The following ZRSR2 variants were observed in gnomAD, a reference collection of about 807,000 sequenced individuals.
ZRSR2 encodes the protein U2 small nuclear ribonucleoprotein auxiliary factor 35 kDa subunit-related protein 2.
A neutral mutation model predicts 39.4 loss-of-function variants in ZRSR2; 3 were observed. The observed-to-expected ratio is 0.08, with a 90% CI of 0.03 to 0.20. The LOEUF (loss-of-function observed/expected upper bound fraction) is 0.20, where lower values mean the gene tolerates loss of function less well. Among genes scored for constraint, ZRSR2 ranks in the 10% least tolerant of loss-of-function variants. The pLI, the probability that ZRSR2 is intolerant of heterozygous loss-of-function variation, is 1.00. For synonymous variants in ZRSR2, 137 were observed against 136.0 expected, an observed-to-expected ratio of 1.01 and a Z score of -0.05; for missense variants, 256 against 391.5, an observed-to-expected ratio of 0.65 and a Z score of 2.92.
Position 15,820,319 on chromosome X carries a change from A to G in ZRSR2, c.937+3A>G, listed in dbSNP as rs1479887028. ...CCGGTGGAAAATGGCGATTTGTGGT[A>G]AAAGACAAAGTGATGATTTTTTTCC... On this transcript the variant is annotated splice_donor_region_variant and intron_variant, in intron 10 of 10. Transcript: ENST00000307771. 1 of 1,201,769 alleles carries G rather than the reference A, an allele frequency of 8.3e-7. No homozygotes were observed.
At chrX:15,791,157 A>ATTCT in intron 2 of ZRSR2, 144 bp downstream of exon 2, 2 of 503,246 alleles carry the variant, frequency 4.0e-6, no homozygotes, top group Non-Finnish European at 6.8e-6. Context: ...GTAGTTATTT[A>ATTCT]GAAACACATG....
intron 7 of ZRSR2, among the ~76,000 whole-genome samples, chrX:15,815,372 C>T (rs1464196367): frequency 8.9e-6 from 1 of 112,836 alleles, no homozygotes; most frequent in Admixed American, 9.3e-5. Context: ...TCTCAGCTCA[C>T]TGTAACCTCC....
At chrX:15,814,107 C>G (rs1414223402) in intron 7 of ZRSR2, among the ~76,000 whole-genome samples, 4 of 105,633 alleles carry the variant, frequency 3.8e-5, no homozygotes, top group Admixed American at 3.1e-4. Flanking sequence ...TTTTGTCTTA[C>G]CAATTTTTAA....
In ZRSR2 at chrX:15,795,922, G is replaced by A. The variant is rs750956564; in HGVS notation, c.122-3950G>A. Among the ~76,000 whole-genome samples, 39 of 112,021 alleles carry A rather than the reference G, an allele frequency of 3.5e-4. No homozygotes were observed. In the South Asian group the frequency reaches 4.8e-3, roughly 14 times the overall value. ...TGGATCACGAGGTCGGGACTTCGAG[G>A]GCAGCCTGGCCAACATGGTGAAACC... is the stretch of plus-strand genomic sequence containing the variant. On this transcript the variant is annotated intron_variant, in intron 2 of 10. Transcript: ENST00000307771.
intron 5 of ZRSR2, among the ~76,000 whole-genome samples, chrX:15,806,205 G>C (rs1932778585): frequency 2.0e-5 from 2 of 102,035 alleles, no homozygotes; most frequent in Admixed American, 1.1e-4. Flanking sequence ...CTGAGGGAGA[G>C]GGGGCAGTGG....
At chrX:15,807,648 T>C (rs1932816560) in intron 5 of ZRSR2, among the ~76,000 whole-genome samples, 1 of 111,214 alleles carries the variant, frequency 9.0e-6, no homozygotes, top group Non-Finnish European at 1.9e-5. Context: ...ATGGTATATA[T>C]ACTCAAATAT....
intron 2 of ZRSR2, among the ~76,000 whole-genome samples, chrX:15,795,046 C>A (rs1377915075): frequency 9.2e-6 from 1 of 108,541 alleles, no homozygotes; most frequent in Non-Finnish European, 1.9e-5. Context: ...TGAATTTCTT[C>A]AAGATATCTT....
chrX:15,796,208 C>T lies in ZRSR2; in HGVS notation c.122-3664C>T, dbSNP rs745676893. Among the ~76,000 whole-genome samples, 94 of 111,560 alleles carry T rather than the reference C, an allele frequency of 8.4e-4. No individual in the cohort carries two copies. Among genetic ancestry groups the T allele is most frequent in the Non-Finnish European group, 1.4e-3 (75 of 53,089 alleles). On this transcript the variant is annotated intron_variant, in intron 2 of 10. Coordinates refer to ENST00000307771, the MANE Select transcript of ZRSR2 (RefSeq NM_005089.4). The stretch of plus-strand genomic sequence containing the variant: ...CGCGCCCGGCCATCATGACTTTTCT[C>T]TGCTTCTTGAGAGCACTTCCAGCAT...
At chrX:15,805,714 G>A (rs1055888229) in intron 5 of ZRSR2, among the ~76,000 whole-genome samples, 2 of 110,512 alleles carry the variant, frequency 1.8e-5, no homozygotes, top group African/African-American at 3.3e-5. Context: ...AGAGGATCAC[G>A]AGGTCAGGAG....
At chrX:15,800,479 G>T (rs1191221565) in intron 3 of ZRSR2, among the ~76,000 whole-genome samples, 13 of 110,081 alleles carry the variant, frequency 1.2e-4, no homozygotes, top group African/African-American at 3.6e-4. Context: ...GAGCCACTGC[G>T]CCTGACCTGT....
At chrX:15,816,145 A>G (rs1411705133) in intron 8 of ZRSR2, among the ~76,000 whole-genome samples, 1 of 112,335 alleles carries the variant, frequency 8.9e-6, no homozygotes, top group East Asian at 2.8e-4. Flanking sequence ...TCATTTATTT[A>G]GTAGCTTTGT....
At chrX:15,798,954 G>A (rs1483443813) in intron 2 of ZRSR2, among the ~76,000 whole-genome samples, 2 of 111,503 alleles carry the variant, frequency 1.8e-5, no homozygotes, top group East Asian at 2.8e-4. Flanking sequence ...TTGGGAGGCC[G>A]AGGCAGGCGG....
At chrX:15,810,583 T>G (rs1932864352) in intron 7 of ZRSR2, among the ~76,000 whole-genome samples, 1 of 111,148 alleles carries the variant, frequency 9.0e-6, no homozygotes, top group African/African-American at 3.3e-5. Flanking sequence ...TCCTTCTCTA[T>G]GGTTCTCTCC....
intron 2 of ZRSR2, among the ~76,000 whole-genome samples, chrX:15,795,248 A>G (rs1416373260): frequency 9.0e-6 from 1 of 110,901 alleles, no homozygotes; most frequent in Non-Finnish European, 1.9e-5. Context: ...CAACAATAGC[A>G]TCTTCAATGG....
chrX:15,813,940 GT>G (rs1932921858), intron 7 of ZRSR2, among the ~76,000 whole-genome samples: 1 of 110,916 alleles, frequency 9.0e-6, no homozygotes, highest in Non-Finnish European at 1.9e-5. Context: ...ATCTCAGTAG[GT>G]GCTTAGATAG....
intron 3 of ZRSR2, among the ~76,000 whole-genome samples, chrX:15,802,521 A>G (rs1232592248): frequency 8.9e-6 from 1 of 112,458 alleles, no homozygotes; most frequent in Non-Finnish European, 1.9e-5. Flanking sequence ...GTGCAGTGGC[A>G]TGATCTCGGC....
intron 7 of ZRSR2, among the ~76,000 whole-genome samples, chrX:15,812,470 T>C (rs1932902539): frequency 8.9e-6 from 1 of 111,996 alleles, no homozygotes; most frequent in Non-Finnish European, 1.9e-5. Context: ...TGTCGTTAAG[T>C]TTTGTCAGAG....
At position 15,799,912 on chromosome X, in the gene ZRSR2, A is replaced by G; in HGVS notation, c.162A>G (p.Glu54=). The G allele has an allele frequency of 8.3e-7, 1 of 1,205,888 alleles. No homozygotes were observed. Among genetic ancestry groups the G allele is most frequent in the East Asian group, 3.0e-5 (1 of 33,696 alleles). Residue 54 remains glutamate (E), a synonymous_variant, in exon 3 of 11, where the codon GAA becomes GAG. Transcript: ENST00000307771. ...AGGAAGAGGAGGACACTTTTATTGA[A>G]GAACAACAACTAGAAGAAGAGAAGC... ...QKEEEEDTFI[E]EQQLEEEKLL...
At chrX:15,807,430 C>T (rs1334364042) in intron 5 of ZRSR2, among the ~76,000 whole-genome samples, 1 of 109,286 alleles carries the variant, frequency 9.2e-6, no homozygotes, top group Non-Finnish European at 1.9e-5. Context: ...GCTGGGATTA[C>T]AGGCACGTGC....
Sources: gnomAD v4.1 joint callset for allele counts (sites outside exome capture counted in the v4.1 genomes callset) on GRCh38, gnomAD v4.1.1 for gene constraint, MANE v1.5 for transcripts, NCBI Gene and HGNC (gene_info 2026-07-23, HGNC 2026-07-21) for gene names.